The following CP variants were observed in gnomAD, a reference collection of about 807,000 sequenced individuals.
CP encodes caeruloplasmin.
In CP, 64 loss-of-function variants were observed where a neutral mutation model predicts 122.4. The ratio of observed to expected loss-of-function variants is 0.52; its 90% confidence interval spans 0.43 to 0.64. CP has a LOEUF of 0.64. Ranked by LOEUF, CP falls within the 30% of genes least tolerant of loss-of-function variation. The probability of loss-of-function intolerance (pLI) is 0.00; values close to 1 mark genes in which losing one functional copy is unlikely to be tolerated. For synonymous variants in CP, 440 were observed against 436.4 expected (o/e 1.01, Z -0.10); for missense variants, 1,167 against 1,284.4 (o/e 0.91, Z 1.40).
In CP at chr3:149,198,419, A is replaced by G. The variant is rs780799475; in HGVS notation, c.1661T>C (p.Ile554Thr). 4.3e-6 allele frequency: 7 copies of G among 1,613,840 alleles called. No homozygotes were observed. The highest frequency in any genetic ancestry group is 5.1e-6 in the Non-Finnish European group (6 of 1,179,742). ...TTTCTTGCATATTTTCATTGGCCCA[A>G]TAAGCCCAGTGAATATATCTTTAGT... ...EPTKDIFTGL[I>T]GPMKICKKGS... Residue 554 changes from isoleucine (I) to threonine (T), a missense_variant, in exon 9 of 19, where the codon ATT becomes ACT. Physicochemically the swap from Ile to Thr is moderately conservative, Grantham distance 89. Coordinates refer to ENST00000264613, the MANE Select transcript of CP (RefSeq NM_000096.4).
Position 149,185,287 on chromosome 3 carries a change from G to T in CP, c.2237C>A (p.Ser746Tyr), listed in dbSNP as rs1250232088. 1 of 1,613,640 alleles carries T rather than the reference G, an allele frequency of 6.2e-7. No individual in the cohort carries two copies. The highest frequency in any genetic ancestry group is 1.7e-5 in the Admixed American group (1 of 60,010). ...CTCCTTTTCCCACTCCCTTTGTGGG[G>T]AATAATCCCATTCCACCTCCACTGC... ...IAAVEVEWDY[S>Y]PQREWEKELH... The change falls in exon 12 of 19, where the codon TCC becomes TAC. Residue 746 changes from serine to tyrosine, a missense_variant. By Grantham distance (144) the Ser-to-Tyr change is moderately radical (BLOSUM62 -2). Transcript: ENST00000264613.
At chr3:149,183,135 A>G (rs1313268068) in intron 13 of CP, among the ~76,000 whole-genome samples, 3 of 152,154 alleles carry the variant, frequency 2.0e-5, no homozygotes, top group Non-Finnish European at 4.4e-5. Context: ...TGGGCGACAG[A>G]GTGAGACTCT....
rs147475926 is a variant in CP at position 149,177,861 on chromosome 3, G to C, written c.2997C>G (p.His999Gln). 1 of 1,613,696 alleles carries C rather than the reference G, an allele frequency of 6.2e-7. No individual in the cohort carries two copies. Among genetic ancestry groups the C allele is most frequent in the Non-Finnish European group, 8.5e-7 (1 of 1,179,660 alleles). ...NEIDLHTVHF[H>Q]GHSFQYKHRG... Reference sequence around the variant, plus strand: ...TTACCTTGTATTGGAAGCTATGGCCGTGAAAATGTACAGTGTGTAAGTCTA... The same window carrying C: ...TTACCTTGTATTGGAAGCTATGGCCCTGAAAATGTACAGTGTGTAAGTCTA... Residue 999 changes from histidine to glutamine, a missense_variant, in exon 17 of 19, where the codon CAC becomes CAG. Physicochemically the swap from His to Gln is conservative, Grantham distance 24 (BLOSUM62 0). Transcript: ENST00000264613.
chr3:149,216,766 T>C (rs1728483239), intron 1 of CP, among the ~76,000 whole-genome samples: 1 of 152,184 alleles, frequency 6.6e-6, no homozygotes, highest in African/African-American at 2.4e-5. Context: ...CTTTTGTCTG[T>C]GTTCTCAGGA....
intron 1 of CP, among the ~76,000 whole-genome samples, chr3:149,219,851 G>A (rs1559964633): frequency 6.6e-6 from 1 of 151,274 alleles, no homozygotes; most frequent in Non-Finnish European, 1.5e-5. Context: ...GACTTGGAGG[G>A]CTCAGATGAC....
chr3:149,162,827 G>A lies in CP; in HGVS notation c.*62C>T, dbSNP rs544198427. 1.4e-5 allele frequency: 22 copies of A among 1,614,070 alleles called. 1 individual carries two copies. The South Asian group carries it at 2.4e-4, about 18-fold the overall frequency. On this transcript the variant is annotated 3_prime_UTR_variant, in exon 6 of 6. Transcript: ENST00000479771. Reference sequence around the variant, plus strand: ...TCACATCACAGTACATCTGGAGATTGTCTAAGAGGCAGCCTCCTGACACCA... The same window carrying A: ...TCACATCACAGTACATCTGGAGATTATCTAAGAGGCAGCCTCCTGACACCA...
At chr3:149,165,230 C>CCAAA (rs1353122304) in intron 5 of CP, among the ~76,000 whole-genome samples, 1 of 152,020 alleles carries the variant, frequency 6.6e-6, no homozygotes, top group African/African-American at 2.4e-5. Flanking sequence ...TGGAGCTTTG[C>CCAAA]CTTCCTAGAT....
rs138623202 is a variant in CP, at chr3:149,183,403, C to T, written c.2425+63G>A. On this transcript the variant is annotated intron_variant, in intron 13 of 18. Transcript: ENST00000264613. ...AATGAAACCCATAGACATGAATTGACGGTTACTGCAGGTAGCATCACATCA... is the reference window on the plus strand; with the variant it reads ...AATGAAACCCATAGACATGAATTGATGGTTACTGCAGGTAGCATCACATCA... 217 of 1,536,758 alleles carry T rather than the reference C, an allele frequency of 1.4e-4. No individual in the cohort carries two copies. The African/African-American group carries it at 2.5e-3, about 18-fold the overall frequency.
intron 9 of CP, among the ~76,000 whole-genome samples, chr3:149,188,936 A>C (rs1356332275): frequency 1.3e-5 from 2 of 152,208 alleles, no homozygotes; most frequent in Non-Finnish European, 2.9e-5. Flanking sequence ...GTGATTATCA[A>C]ATTGAAAAAA....
chr3:149,219,277 C>T (rs1728659353), intron 1 of CP, among the ~76,000 whole-genome samples: 1 of 152,134 alleles, frequency 6.6e-6, no homozygotes, highest in Non-Finnish European at 1.5e-5. Context: ...GAAGATGCTC[C>T]ATTTTTCCTT....
At chr3:149,171,542 A>G (rs1249885989), downstream of CP, among the ~76,000 whole-genome samples, 2 of 152,230 alleles carry the variant, frequency 1.3e-5, no homozygotes, top group African/African-American at 4.8e-5. Context: ...TAATTCAGCA[A>G]TGAAATAATA....
At chr3:149,167,096 A>C in intron 4 of CP, 2 of 1,613,898 alleles carry the variant, frequency 1.2e-6, no homozygotes, top group Non-Finnish European at 1.7e-6. Flanking sequence ...AGCCACTTTC[A>C]GAAGACACTA....
chr3:149,208,408 G>A (rs1289040897), intron 4 of CP, among the ~76,000 whole-genome samples: 2 of 152,022 alleles, frequency 1.3e-5, no homozygotes, highest in Admixed American at 6.6e-5. Flanking sequence ...AACAGAGACA[G>A]GATTAAAGTA....
At chr3:149,215,042 C>T (rs955856451) in intron 1 of CP, among the ~76,000 whole-genome samples, 1 of 152,160 alleles carries the variant, frequency 6.6e-6, no homozygotes, top group African/African-American at 2.4e-5. Flanking sequence ...TCTGAACACA[C>T]TTTTATTTCT....
At chr3:149,221,508 A>T in intron 1 of CP, 139 bp downstream of exon 1, 1 of 685,694 alleles carries the variant, frequency 1.5e-6, no homozygotes, top group East Asian at 2.8e-5. Context: ...AAGGAGATTG[A>T]TTCAAGTGTC....
rs1241611012 is a variant in CP at position 149,163,808 on chromosome 3, T to C, written c.*14-933A>G. On this transcript the variant is annotated intron_variant, in intron 5 of 5. Coordinates refer to the CP transcript ENST00000479771. ...ATGGATAAGCAAGCTTTTGTTGTTA[T>C]ATTTTGTTTATGAGAAATTCTTTTA... 10 of 1,141,998 alleles carry C rather than the reference T, an allele frequency of 8.8e-6. No individual in the cohort carries two copies. In the East Asian group the frequency reaches 1.2e-4, roughly 13 times the overall value. The allele number at this position is 1,141,998 out of a possible 1,614,324, so 70.7% of individuals were successfully genotyped here. A position where few individuals can be genotyped will look rare whatever the true frequency, so the allele number is the denominator to read the frequency against.
downstream of CP, among the ~76,000 whole-genome samples, chr3:149,171,018 G>A (rs138487607): frequency 5.5e-4 from 83 of 152,266 alleles, 1 homozygote; most frequent in East Asian, 0.015. Flanking sequence ...GGTGGCTCAC[G>A]CCGGTAATCC....
Position 149,183,972 on chromosome 3 carries a change from G to T in CP, c.2286-367C>A, listed in dbSNP as rs532096179. On this transcript the variant is annotated intron_variant, in intron 12 of 18. Coordinates refer to ENST00000264613, the MANE Select transcript of CP (RefSeq NM_000096.4). Reference sequence around the variant, plus strand: ...AAAATTTTATGAGTCCAATATTTCTGATTTATAGGAACTGAAATGGACATC... The same window carrying T: ...AAAATTTTATGAGTCCAATATTTCTTATTTATAGGAACTGAAATGGACATC... 1.3e-4 allele frequency among the ~76,000 whole-genome samples: 18 copies of T among 137,150 alleles called. No individual in the cohort carries two copies. The South Asian group carries it at 4.4e-3, about 34-fold the overall frequency. The allele number at this position is 137,150 out of a possible 152,430, so 90.0% of individuals were successfully genotyped here. A position where few individuals can be genotyped will look rare whatever the true frequency, so the allele number is the denominator to read the frequency against.
downstream of CP, chr3:149,168,069 TC>T: frequency 1.2e-6 from 1 of 807,492 alleles, no homozygotes; most frequent in Non-Finnish European, 2.2e-6. Context: ...TTCATGTGAT[TC>T]TCAAGTGAAA....
Sources: allele counts gnomAD v4.1 joint callset (sites outside exome capture counted in the v4.1 genomes callset), GRCh38; gene constraint gnomAD v4.1.1; transcripts MANE v1.5; gene names NCBI Gene and HGNC (gene_info 2026-07-23, HGNC 2026-07-21).